ZMAT5: variants seen among roughly 807,000 people sequenced by gnomAD.
ZMAT5 encodes zinc finger matrin-type protein 5.
Under a neutral mutation model 28.0 loss-of-function variants are expected in ZMAT5, and 23 were observed. That is an observed-to-expected ratio of 0.82 (90% CI 0.59 to 1.16). The LOEUF is 1.16. Among genes scored for constraint, ZMAT5 ranks in the 50% most tolerant of loss-of-function variants. The probability of loss-of-function intolerance (pLI) is 0.00; values close to 1 mark genes in which losing one functional copy is unlikely to be tolerated. For missense variants in ZMAT5, 173 were observed against 212.7 expected (o/e 0.81, Z 1.16); for synonymous variants, 76 against 84.1 (o/e 0.90, Z 0.52).
chr22:29,738,203 G>A, intron 5 of ZMAT5, 127 bp downstream of exon 5: 1 of 875,116 alleles, frequency 1.1e-6, no homozygotes, highest in South Asian at 1.6e-5. Context: ...GGAGCTATGT[G>A]TAGGCAACTT....
At chr22:29,737,149 G>T (rs894205240) in intron 5 of ZMAT5, among the ~76,000 whole-genome samples, 2 of 151,930 alleles carry the variant, frequency 1.3e-5, no homozygotes, top group Non-Finnish European at 2.9e-5. Flanking sequence ...GGCCAACATG[G>T]TAAAACCCCA....
At chr22:29,749,991 A>G (rs541594262) in intron 1 of ZMAT5, among the ~76,000 whole-genome samples, 2 of 152,174 alleles carry the variant, frequency 1.3e-5, no homozygotes, top group Non-Finnish European at 2.9e-5. Context: ...GTATTTCCTT[A>G]TAGCAATGTG....
At chr22:29,742,160 A>T (rs140119) in intron 3 of ZMAT5, among the ~76,000 whole-genome samples, 80,708 of 151,948 alleles carry the variant, frequency 0.53, 21,795 homozygotes, top group East Asian at 0.62. Context: ...TTGGATTTAC[A>T]TGTAATCTCC....
At chr22:29,735,254 C>T (rs1045609214) in intron 5 of ZMAT5, among the ~76,000 whole-genome samples, 2 of 152,204 alleles carry the variant, frequency 1.3e-5, no homozygotes, top group South Asian at 2.1e-4. Context: ...TAAACGGTCA[C>T]CTCCCTTCCC....
At chr22:29,735,079 G>T (rs1467297032) in intron 5 of ZMAT5, among the ~76,000 whole-genome samples, 2 of 152,146 alleles carry the variant, frequency 1.3e-5, no homozygotes, top group South Asian at 2.1e-4. Flanking sequence ...AGCCTTGCGG[G>T]GGCTGGGGCT....
intron 5 of ZMAT5, among the ~76,000 whole-genome samples, chr22:29,736,850 C>T (rs1452266565): frequency 4.6e-5 from 7 of 150,926 alleles, no homozygotes; most frequent in Non-Finnish European, 1.0e-4. Flanking sequence ...TGGTGAAACC[C>T]CGTCTCCACT....
intron 5 of ZMAT5, among the ~76,000 whole-genome samples, chr22:29,736,725 A>C (rs1273234020): frequency 6.8e-6 from 1 of 146,190 alleles, no homozygotes; most frequent in Non-Finnish European, 1.5e-5. Flanking sequence ...ATCTCAAAAA[A>C]AAAAAAAAAA....
At position 29,730,987 on chromosome 22, in the gene ZMAT5, G is replaced by T; in HGVS notation, c.*238C>A. The T allele has an allele frequency of 2.6e-6, 1 of 387,060 alleles. No individual in the cohort carries two copies. The highest frequency in any genetic ancestry group is 4.7e-5 in the Admixed American group (1 of 21,492). The allele number at this position is 387,060 out of a possible 1,614,324, so 24.0% of individuals were successfully genotyped here. A position where few individuals can be genotyped will look rare whatever the true frequency, so the allele number is the denominator to read the frequency against. On this transcript the variant is annotated 3_prime_UTR_variant, in exon 6 of 6. Coordinates refer to ENST00000344318, the MANE Select transcript of ZMAT5 (RefSeq NM_001003692.2). Reference sequence around the variant, plus strand: ...GACAGACTTTCTTTATAAACATTTGGAAGTTTTCTCCCCCATCTTCTTAAG... The same window carrying T: ...GACAGACTTTCTTTATAAACATTTGTAAGTTTTCTCCCCCATCTTCTTAAG...
intron 1 of ZMAT5, among the ~76,000 whole-genome samples, chr22:29,750,740 G>A (rs2147229604): frequency 6.6e-6 from 1 of 152,336 alleles, no homozygotes; most frequent in Non-Finnish European, 1.5e-5. Flanking sequence ...CGGGCTAGCA[G>A]CCAAAGCCCT....
At chr22:29,736,719 C>CAA (rs35069848) in intron 5 of ZMAT5, among the ~76,000 whole-genome samples, 2,108 of 24,628 alleles carry the variant, frequency 0.086, 128 homozygotes, top group Non-Finnish European at 0.11. Context: ...GACTCCATCT[C>CAA]AAAAAAAAAA....
At chr22:29,741,908 C>T (rs1312084478) in intron 3 of ZMAT5, among the ~76,000 whole-genome samples, 1 of 152,172 alleles carries the variant, frequency 6.6e-6, no homozygotes, top group Non-Finnish European at 1.5e-5. Flanking sequence ...TCCACCTCAG[C>T]CTCCCAAAGT....
At chr22:29,736,181 A>G (rs900858899) in intron 5 of ZMAT5, among the ~76,000 whole-genome samples, 10 of 152,214 alleles carry the variant, frequency 6.6e-5, no homozygotes, top group African/African-American at 2.4e-4. Context: ...CCTTTTGCAC[A>G]CGGGCTGAAG....
intron 1 of ZMAT5, among the ~76,000 whole-genome samples, chr22:29,761,228 G>GT (rs1267576759): frequency 2.2e-5 from 3 of 135,876 alleles, no homozygotes; most frequent in Non-Finnish European, 4.6e-5. Flanking sequence ...AGCCGAGATT[G>GT]TGCCACTGCA....
At chr22:29,757,152 G>T (rs1381240030) in intron 1 of ZMAT5, among the ~76,000 whole-genome samples, 1 of 150,340 alleles carries the variant, frequency 6.7e-6, no homozygotes, top group Admixed American at 6.7e-5. Flanking sequence ...GGAGTTCAAG[G>T]CTGCAGTGTG....
intron 3 of ZMAT5, among the ~76,000 whole-genome samples, chr22:29,741,031 T>A (rs1289137548): frequency 6.6e-6 from 1 of 152,126 alleles, no homozygotes; most frequent in Non-Finnish European, 1.5e-5. Flanking sequence ...GCTGTCTCTG[T>A]CACCAGCCCT....
intron 1 of ZMAT5, among the ~76,000 whole-genome samples, chr22:29,766,626 T>A (rs778586260): frequency 6.6e-5 from 10 of 152,204 alleles, no homozygotes; most frequent in Non-Finnish European, 1.2e-4. Flanking sequence ...GGTTGCCCGG[T>A]GCGAAGCCCA....
chr22:29,743,622 G>A (rs995215508), intron 2 of ZMAT5, among the ~76,000 whole-genome samples: 1 of 152,016 alleles, frequency 6.6e-6, no homozygotes, highest in Non-Finnish European at 1.5e-5. Context: ...TGTAGAGATG[G>A]GGTTTCGCCA....
In ZMAT5 at chr22:29,738,407, A is replaced by G; in HGVS notation, c.306T>C (p.Ala102=). 6.2e-7 allele frequency: 1 copy of G among 1,610,220 alleles called. No individual in the cohort carries two copies. Among genetic ancestry groups the G allele is most frequent in the Non-Finnish European group, 8.5e-7 (1 of 1,179,736 alleles). Residue 102 remains alanine (A), a synonymous_variant, in exon 5 of 6, where the codon GCT becomes GCC. Coordinates refer to ENST00000344318, the MANE Select transcript of ZMAT5 (RefSeq NM_001003692.2). ...ERRAREWLLD[A]PELPEGHLED... Reference sequence around the variant, plus strand: ...CCAGATGGCCCTCGGGGAGCTCAGGAGCATCTAGTAGCCACTCCCTGGCTC... The same window carrying G: ...CCAGATGGCCCTCGGGGAGCTCAGGGGCATCTAGTAGCCACTCCCTGGCTC...
intron 4 of ZMAT5, among the ~76,000 whole-genome samples, chr22:29,739,138 G>A (rs1464980257): frequency 6.6e-6 from 1 of 152,216 alleles, no homozygotes; most frequent in East Asian, 1.9e-4. Context: ...CTTTGACCCT[G>A]GGCAGGGTAA....
Sources: gnomAD v4.1 joint callset for allele counts (sites outside exome capture counted in the v4.1 genomes callset) on GRCh38, gnomAD v4.1.1 for gene constraint, MANE v1.5 for transcripts, NCBI Gene and HGNC (gene_info 2026-07-23, HGNC 2026-07-21) for gene names.